The following CD163 variants were observed in gnomAD, a reference collection of about 807,000 sequenced individuals.
The protein encoded by CD163 is CD163 molecule.
Under a neutral mutation model 129.2 loss-of-function variants are expected in CD163, and 64 were observed. That is an observed-to-expected ratio of 0.50 (90% confidence interval 0.41 to 0.61). The LOEUF is 0.61. Among genes scored for constraint, CD163 ranks in the 20% least tolerant of loss-of-function variants. The pLI is 0.00. For missense variants in CD163, 1,061 were observed against 1,377.9 expected (o/e 0.77, Z 3.64); for synonymous variants, 446 against 478.5 (o/e 0.93, Z 0.89).
At chr12:7,475,802 T>C (rs1949078895) in intron 16 of CD163, among the ~76,000 whole-genome samples, 1 of 152,196 alleles carries the variant, frequency 6.6e-6, no homozygotes, top group African/African-American at 2.4e-5. Context: ...AAATTATCTC[T>C]TGTTGCAGAT....
chr12:7,479,436 T>C (rs1343378618), intron 16 of CD163, among the ~76,000 whole-genome samples: 1 of 152,144 alleles, frequency 6.6e-6, no homozygotes, highest in Non-Finnish European at 1.5e-5. Flanking sequence ...ATTTTTAAAG[T>C]TTACCTTAAA....
At chr12:7,474,264 C>A (rs1949053446) in intron 16 of CD163, among the ~76,000 whole-genome samples, 1 of 152,162 alleles carries the variant, frequency 6.6e-6, no homozygotes, top group African/African-American at 2.4e-5. Flanking sequence ...CACTCCAAAT[C>A]AACAGAATAT....
In CD163 at chr12:7,481,264, CAG is replaced by C; in HGVS notation, c.3248-10_3248-9del. 3.7e-6 allele frequency: 6 copies of C among 1,607,944 alleles called. No homozygotes were observed. The highest frequency in any genetic ancestry group is 5.1e-6 in the Non-Finnish European group (6 of 1,174,498). ...TCTCTCCTCTTGAGGAAACTGAAAACAGAGATCCCTAGGTTAGGGATCAGCTA... is the reference window on the plus strand; with the variant it reads ...TCTCTCCTCTTGAGGAAACTGAAAACAGATCCCTAGGTTAGGGATCAGCTA... On this transcript the variant is annotated splice_polypyrimidine_tract_variant and intron_variant, in intron 14 of 16. Transcript: ENST00000432237.
intron 6 of CD163, among the ~76,000 whole-genome samples, chr12:7,493,855 T>G (rs933862502): frequency 2.6e-5 from 4 of 152,018 alleles, no homozygotes; most frequent in Admixed American, 1.3e-4. Context: ...AAAAAAAAAT[T>G]TAGGTAAAAG....
chr12:7,499,501 C>T (rs898860305), intron 3 of CD163, among the ~76,000 whole-genome samples: 9 of 151,994 alleles, frequency 5.9e-5, no homozygotes, highest in African/African-American at 9.7e-5. Flanking sequence ...TAGATAAATT[C>T]GACTCAAGTT....
intron 6 of CD163, among the ~76,000 whole-genome samples, chr12:7,491,179 A>G (rs1949322634): frequency 6.6e-6 from 1 of 152,108 alleles, no homozygotes. Context: ...TTCCATTGTG[A>G]AAACTCATTA....
At chr12:7,474,134 G>T (rs986006687) in intron 16 of CD163, among the ~76,000 whole-genome samples, 1 of 152,068 alleles carries the variant, frequency 6.6e-6, no homozygotes, top group Non-Finnish European at 1.5e-5. Context: ...AGTAGTGGGA[G>T]ACTTTAAAAC....
rs771487393 is a variant in CD163, at chr12:7,487,464, T to C, written c.1945A>G (p.Met649Val). The C allele has an allele frequency of 1.2e-6, 2 of 1,614,134 alleles. No homozygotes were observed. The highest frequency in any genetic ancestry group is 2.2e-5 in the South Asian group (2 of 91,080). ...GKGNGQIWRH[M>V]FHCTGTEQHM... ...TGCTCAGTCCCAGTGCAGTGAAACA[T>C]ATGCCTCCAGATCTGACCATTTCCT... is the stretch of plus-strand genomic sequence containing the variant. Residue 649 changes from methionine to valine, a missense_variant, in exon 8 of 17, where the codon ATG becomes GTG. By Grantham distance (21) the Met-to-Val change is conservative (BLOSUM62 1). Transcript: ENST00000432237. This position sits in a 1 kb window ranked among gnomAD's most constrained non-coding sequence, Gnocchi z 5.1.
intron 6 of CD163, 135 bp from the exon 7 acceptor site, chr12:7,488,222 G>T: frequency 1.1e-6 from 1 of 944,280 alleles, no homozygotes; most frequent in Non-Finnish European, 1.5e-6. Flanking sequence ...TGTTTGTCTT[G>T]GCTTTTCTGC....
intron 5 of CD163, 42 bp from the exon 6 acceptor site, chr12:7,495,443 G>A: frequency 6.4e-7 from 1 of 1,558,398 alleles, no homozygotes; most frequent in Non-Finnish European, 8.8e-7. Flanking sequence ...TACATATGGA[G>A]GTTAGCTTCC....
intron 16 of CD163, among the ~76,000 whole-genome samples, chr12:7,478,865 T>C (rs1949123527): frequency 1.3e-5 from 2 of 152,138 alleles, no homozygotes; most frequent in African/African-American, 4.8e-5. Flanking sequence ...ATTTCATTTC[T>C]AGATGTAGTC....
At position 7,501,129 on chromosome 12, in the gene CD163, C is replaced by A; in HGVS notation, c.457+10G>T. The A allele has an allele frequency of 6.2e-7, 1 of 1,611,116 alleles. No homozygotes were observed. Among genetic ancestry groups the A allele is most frequent in the Non-Finnish European group, 8.5e-7 (1 of 1,177,708 alleles). On this transcript the variant is annotated intron_variant, in intron 3 of 16. Coordinates refer to ENST00000432237, the MANE Select transcript of CD163 (RefSeq NM_203416.4). ...TTTTGTGTTGAGGCTTTGACTAATG[C>A]AAGTCTTACCTGAGCAGGTCACTCC...
At chr12:7,472,142 A>T (rs1949014202) in intron 16 of CD163, among the ~76,000 whole-genome samples, 1 of 152,204 alleles carries the variant, frequency 6.6e-6, no homozygotes, top group South Asian at 2.1e-4. Context: ...CAGCGCACTT[A>T]AACATTCCTG....
At chr12:7,500,421 CAAAAA>C (rs71953455) in intron 3 of CD163, among the ~76,000 whole-genome samples, 12 of 64,116 alleles carry the variant, frequency 1.9e-4, no homozygotes, top group African/African-American at 5.1e-4. Flanking sequence ...CAATTCGTCC[CAAAAA>C]AAAAAAAAAA....
intron 10 of CD163, 129 bp downstream of exon 10, chr12:7,486,370 G>T: frequency 1.2e-6 from 1 of 862,998 alleles, no homozygotes; most frequent in Non-Finnish European, 1.8e-6. Context: ...GACTTCTGTT[G>T]TCCTGACTCC....
In CD163 at chr12:7,487,706, C is replaced by G; in HGVS notation, c.1736-33G>C. On this transcript the variant is annotated intron_variant, in intron 7 of 16. Coordinates refer to ENST00000432237, the MANE Select transcript of CD163 (RefSeq NM_203416.4). The surrounding 1 kb of genome is among the most constrained non-coding windows in gnomAD (Gnocchi z 5.1). ...GAGACAGGGCTTTAGAAAAAGACAGCTATGACTCCCTAACCCTGTCCCTTT... is the reference window on the plus strand; with the variant it reads ...GAGACAGGGCTTTAGAAAAAGACAGGTATGACTCCCTAACCCTGTCCCTTT... 6.2e-7 allele frequency: 1 copy of G among 1,614,070 alleles called. No individual in the cohort carries two copies. The highest frequency in any genetic ancestry group is 8.5e-7 in the Non-Finnish European group (1 of 1,180,000).
Position 7,485,097 on chromosome 12 carries a change from G to T in CD163, c.2778C>A (p.Asp926Glu), listed in dbSNP as rs1187735071. 1.3e-6 allele frequency: 2 copies of T among 1,595,892 alleles called. No individual in the cohort carries two copies. The highest frequency in any genetic ancestry group is 8.6e-7 in the Non-Finnish European group (1 of 1,169,486). The change falls in exon 11 of 17, where the codon GAC becomes GAA. Residue 926 changes from aspartate (D) to glutamate (E), a missense_variant and splice_region_variant. By Grantham distance (45) the Asp-to-Glu change is conservative. Transcript: ENST00000432237. The surrounding 1 kb of genome is among the most constrained non-coding windows in gnomAD (Gnocchi z 4.5). ...TCATATAGGTCGATGGATACTCACT[G>T]TCACATGTGATCCAGGTCTCCTCCG... ...SPSEETWITC[D>E]NKIRLQEGPT... is the part of the protein sequence containing the mutation.
At chr12:7,499,985 T>A (rs1392100886) in intron 3 of CD163, among the ~76,000 whole-genome samples, 4 of 152,184 alleles carry the variant, frequency 2.6e-5, no homozygotes, top group African/African-American at 9.7e-5. Context: ...ATATTAGCTA[T>A]GTGAAAATTT....
At chr12:7,498,372 TATAA>T (rs1433968471) in intron 4 of CD163, among the ~76,000 whole-genome samples, 3 of 152,118 alleles carry the variant, frequency 2.0e-5, no homozygotes, top group Non-Finnish European at 2.9e-5. Context: ...GCATATCTAG[TATAA>T]ATAAAGTTTT....
Sources: gnomAD v4.1 joint callset for allele counts (sites outside exome capture counted in the v4.1 genomes callset) on GRCh38, gnomAD v4.1.1 for gene constraint, Gnocchi (gnomAD v3.1) non-coding constraint, MANE v1.5 for transcripts, NCBI Gene and HGNC (gene_info 2026-07-23, HGNC 2026-07-21) for gene names.